CPS1: variants seen among roughly 807,000 people sequenced by gnomAD.
The protein encoded by CPS1 is carbamoyl-phosphate synthase [ammonia], mitochondrial.
A neutral mutation model predicts 174.6 loss-of-function variants in CPS1; 109 were observed. The observed-to-expected ratio is 0.62, with a 90% CI of 0.53 to 0.73. CPS1 has a LOEUF of 0.73. Ranked by LOEUF, CPS1 falls within the 30% of genes least tolerant of loss-of-function variation. CPS1 has a pLI of 0.00. For synonymous variants in CPS1, 637 were observed against 632.0 expected, an observed-to-expected ratio of 1.01 and a Z score of -0.12; for missense variants, 1,689 against 1,821.9, an observed-to-expected ratio of 0.93 and a Z score of 1.33.
chr2:210,590,294 C>A, intron 8 of CPS1, 60 bp downstream of exon 8: 2 of 1,606,802 alleles, frequency 1.2e-6, no homozygotes, highest in Non-Finnish European at 1.7e-6. Flanking sequence ...CCGCTCTATA[C>A]CCTCAAAGGG....
chr2:210,501,031 G>A (rs1033764545), intron 1 of CPS1, among the ~76,000 whole-genome samples: 1 of 152,194 alleles, frequency 6.6e-6, no homozygotes, highest in African/African-American at 2.4e-5. Flanking sequence ...TCAACACCAT[G>A]TGGAAACTGC....
intron 2 of CPS1, among the ~76,000 whole-genome samples, chr2:210,575,364 A>G (rs184495560): frequency 8.1e-4 from 124 of 152,212 alleles, no homozygotes; most frequent in African/African-American, 2.3e-3. Flanking sequence ...GAAAGTGGAC[A>G]TGGAAGAGAG....
intron 1 of CPS1, among the ~76,000 whole-genome samples, chr2:210,505,375 A>T (rs1484845121): frequency 6.6e-6 from 1 of 152,104 alleles, no homozygotes; most frequent in Non-Finnish European, 1.5e-5. Context: ...TAATCTCAAT[A>T]GAAGAATCTA....
chr2:210,507,941 A>G (rs1695336684), intron 1 of CPS1, among the ~76,000 whole-genome samples: 1 of 151,848 alleles, frequency 6.6e-6, no homozygotes, highest in South Asian at 2.1e-4. Flanking sequence ...AGACTTTAAC[A>G]CCCCACTGTC....
chr2:210,541,845 C>G (rs972786853), intron 1 of CPS1, among the ~76,000 whole-genome samples: 5 of 152,134 alleles, frequency 3.3e-5, no homozygotes, highest in African/African-American at 1.2e-4. Flanking sequence ...TTTGGTTGAT[C>G]ATGGAGTATC....
intron 20 of CPS1, among the ~76,000 whole-genome samples, chr2:210,613,574 G>GTGTA (rs1553514029): frequency 1.3e-5 from 2 of 150,666 alleles, no homozygotes; most frequent in Admixed American, 6.6e-5. Flanking sequence ...GTGTGTGTGT[G>GTGTA]TATATATATA....
chr2:210,554,075 A>G (rs934766869), upstream of CPS1, among the ~76,000 whole-genome samples: 2 of 147,946 alleles, frequency 1.4e-5, no homozygotes, highest in African/African-American at 5.0e-5. Context: ...ATATACATAT[A>G]TACATACATA....
intron 14 of CPS1, among the ~76,000 whole-genome samples, 178 bp downstream of exon 14, chr2:210,599,739 A>C (rs983221913): frequency 2.0e-5 from 3 of 151,974 alleles, no homozygotes; most frequent in African/African-American, 4.8e-5. Flanking sequence ...ACTACTAGTT[A>C]ATTTCACAAA....
intron 4 of CPS1, among the ~76,000 whole-genome samples, chr2:210,578,590 A>G (rs533858350): frequency 2.0e-5 from 3 of 152,226 alleles, no homozygotes; most frequent in African/African-American, 7.2e-5. Context: ...TGCCTCTCCA[A>G]TGAGTGTCTA....
intron 1 of CPS1, among the ~76,000 whole-genome samples, chr2:210,538,551 G>C (rs1696318832): frequency 1.3e-5 from 2 of 151,520 alleles, no homozygotes; most frequent in Non-Finnish European, 2.9e-5. Flanking sequence ...TTCTGTATTG[G>C]TGTTTTCTCA....
At chr2:210,648,228 G>A (rs1023747718) in intron 26 of CPS1, among the ~76,000 whole-genome samples, 171 bp downstream of exon 26, 2 of 152,210 alleles carry the variant, frequency 1.3e-5, no homozygotes, top group Admixed American at 6.5e-5. Flanking sequence ...TGCTGATTAT[G>A]AGTTGATAGC....
At position 210,594,554 on chromosome 2, in the gene CPS1, C is replaced by T. The variant is rs1455112218; in HGVS notation, c.1211C>T (p.Thr404Ile). ...TCACTGATAAAGAAAGGAAAAGCTA[C>T]CACCATTACATCAGTCTTACCGAAG... ...FFSLIKKGKA[T>I]TITSVLPKPA... Residue 404 changes from threonine (T) to isoleucine (I), a missense_variant, in exon 12 of 38, where the codon ACC becomes ATC. Physicochemically the swap from Thr to Ile is moderately conservative, Grantham distance 89. Transcript: ENST00000233072. 6.2e-7 allele frequency: 1 copy of T among 1,611,268 alleles called. No individual in the cohort carries two copies.
chr2:210,527,101 C>CT (rs1311857835), intron 1 of CPS1, among the ~76,000 whole-genome samples: 1 of 151,674 alleles, frequency 6.6e-6, no homozygotes, highest in African/African-American at 2.4e-5. Context: ...ATTCAATAGC[C>CT]TTTTTTTCTC....
intron 13 of CPS1, among the ~76,000 whole-genome samples, chr2:210,597,053 T>G (rs1698508336): frequency 6.6e-6 from 1 of 151,954 alleles, no homozygotes; most frequent in African/African-American, 2.4e-5. Context: ...GTATAGGATC[T>G]TTTCCTGTAT....
intron 20 of CPS1, among the ~76,000 whole-genome samples, chr2:210,613,412 T>C (rs971056520): frequency 6.6e-6 from 1 of 151,908 alleles, no homozygotes; most frequent in African/African-American, 2.4e-5. Flanking sequence ...TTTTCCCATG[T>C]TGAGTTTCAA....
chr2:210,527,561 T>C (rs571500270), intron 1 of CPS1, among the ~76,000 whole-genome samples: 9 of 152,090 alleles, frequency 5.9e-5, no homozygotes, highest in African/African-American at 2.2e-4. Flanking sequence ...CCAACTTTAA[T>C]GCAATTTCCT....
At chr2:210,611,422 G>T (rs1469015083) in intron 19 of CPS1, among the ~76,000 whole-genome samples, 1 of 151,902 alleles carries the variant, frequency 6.6e-6, no homozygotes, top group African/African-American at 2.4e-5. Flanking sequence ...GAAAATAACT[G>T]GGTAGGTTGC....
intron 25 of CPS1, among the ~76,000 whole-genome samples, chr2:210,643,385 T>C (rs1700284894): frequency 6.6e-6 from 1 of 152,168 alleles, no homozygotes; most frequent in Admixed American, 6.5e-5. Flanking sequence ...TTGATATTAT[T>C]ACAGTTATTA....
rs1574545236 is a variant in CPS1 at position 210,577,512 on chromosome 2, T to G, written c.471+2T>G. On this transcript the variant is annotated splice_donor_variant, in intron 4 of 37. Coordinates refer to ENST00000233072, the MANE Select transcript of CPS1 (RefSeq NM_001875.5). LOFTEE classifies it high-confidence loss of function. ...GGGCAATGGCTACAGGAAGAAAAGG[T>G]AAGAAATGTAATAGGGCATCCATCA... The G allele has an allele frequency of 6.2e-7, 1 of 1,608,688 alleles. No individual in the cohort carries two copies. Among genetic ancestry groups the G allele is most frequent in the Non-Finnish European group, 8.5e-7 (1 of 1,175,218 alleles).
Sources: gnomAD v4.1 joint callset for allele counts (sites outside exome capture counted in the v4.1 genomes callset) on GRCh38, gnomAD v4.1.1 for gene constraint, MANE v1.5 for transcripts, NCBI Gene and HGNC (gene_info 2026-07-23, HGNC 2026-07-21) for gene names.